Variants in SYT1 observed in about 807,000 individuals in gnomAD.
The protein encoded by SYT1 is synaptotagmin-1.
SYT1 carries 8 observed loss-of-function variants against 44.8 expected under a neutral mutation model. That is an observed-to-expected ratio of 0.18 (90% confidence interval 0.10 to 0.32). The LOEUF is 0.32. Among genes scored for constraint, SYT1 ranks in the 10% least tolerant of loss-of-function variants. The pLI is 1.00. For missense variants in SYT1, 286 were observed against 509.3 expected, an observed-to-expected ratio of 0.56 and a Z score of 4.22; for synonymous variants, 154 against 188.8, an observed-to-expected ratio of 0.82 and a Z score of 1.51.
At chr12:79,071,245 T>C (rs1279661280) in intron 3 of SYT1, among the ~76,000 whole-genome samples, 1 of 152,164 alleles carries the variant, frequency 6.6e-6, no homozygotes, top group Non-Finnish European at 1.5e-5. Context: ...TTGTAAATTT[T>C]ATTTAAAAAT....
chr12:79,361,697 G>C (rs1289598613), intron 9 of SYT1, among the ~76,000 whole-genome samples: 1 of 152,174 alleles, frequency 6.6e-6, no homozygotes, highest in Admixed American at 6.5e-5. Flanking sequence ...GTACAGATTG[G>C]TATGTTATTT....
intron 9 of SYT1, among the ~76,000 whole-genome samples, chr12:79,387,622 T>G (rs1308774713): frequency 6.6e-6 from 1 of 152,236 alleles, no homozygotes; most frequent in Non-Finnish European, 1.5e-5. Flanking sequence ...TATTTAAATG[T>G]CAACTGTGCA....
chr12:79,053,749 A>G (rs1194035845), intron 3 of SYT1, among the ~76,000 whole-genome samples: 2 of 151,634 alleles, frequency 1.3e-5, no homozygotes, highest in Admixed American at 6.6e-5. Flanking sequence ...TATTGTAAAA[A>G]TAAGTTGTTT....
At chr12:79,176,627 AT>A (rs1565839517) in intron 3 of SYT1, among the ~76,000 whole-genome samples, 1 of 152,094 alleles carries the variant, frequency 6.6e-6, no homozygotes, top group South Asian at 2.1e-4. Flanking sequence ...TGAGTTCTAT[AT>A]TTTTTTAACT....
At chr12:78,966,321 T>C (rs751995577) in intron 1 of SYT1, among the ~76,000 whole-genome samples, 8 of 152,114 alleles carry the variant, frequency 5.3e-5, no homozygotes, top group Non-Finnish European at 1.0e-4. Flanking sequence ...TTGTCATATA[T>C]CATCCCATCT....
chr12:79,266,379 T>A (rs570946039), intron 4 of SYT1, among the ~76,000 whole-genome samples: 36 of 151,284 alleles, frequency 2.4e-4, no homozygotes, highest in African/African-American at 8.7e-4. Context: ...TTGGAAGAAA[T>A]CTTTTGGGAG....
intron 5 of SYT1, among the ~76,000 whole-genome samples, chr12:79,290,849 T>C (rs998981662): frequency 6.6e-6 from 1 of 152,190 alleles, no homozygotes; most frequent in African/African-American, 2.4e-5. Flanking sequence ...AAAGGATATG[T>C]ACAGGCAGTC....
intron 1 of SYT1, among the ~76,000 whole-genome samples, chr12:78,882,267 G>A (rs1874500432): frequency 6.6e-6 from 1 of 151,706 alleles, no homozygotes; most frequent in Non-Finnish European, 1.5e-5. Flanking sequence ...GAAGTTTTCT[G>A]TATTGGGGAG....
chr12:79,271,201 G>A (rs1352733343), intron 4 of SYT1, among the ~76,000 whole-genome samples: 1 of 152,148 alleles, frequency 6.6e-6, no homozygotes, highest in Non-Finnish European at 1.5e-5. Context: ...CAATTAAAGA[G>A]AAAGATATTT....
At chr12:78,924,514 A>G (rs1425175231) in intron 1 of SYT1, among the ~76,000 whole-genome samples, 2 of 151,162 alleles carry the variant, frequency 1.3e-5, no homozygotes, top group African/African-American at 4.8e-5. Context: ...TCCACCTGAA[A>G]AACAGCTTTT....
intron 3 of SYT1, among the ~76,000 whole-genome samples, chr12:79,157,851 C>G (rs1282407328): frequency 2.0e-5 from 3 of 152,124 alleles, no homozygotes; most frequent in Non-Finnish European, 4.4e-5. Flanking sequence ...CCCCATTTTA[C>G]TAATAGAGAA....
At chr12:79,249,481 A>G (rs1017313274) in intron 4 of SYT1, among the ~76,000 whole-genome samples, 9 of 152,134 alleles carry the variant, frequency 5.9e-5, no homozygotes, top group Admixed American at 5.2e-4. Flanking sequence ...TCCAGAGGAG[A>G]CAGACTCTAA....
chr12:79,348,973 GAA>G (rs1882732302), intron 8 of SYT1, among the ~76,000 whole-genome samples: 2 of 135,546 alleles, frequency 1.5e-5, no homozygotes, highest in African/African-American at 5.7e-5. Context: ...GAAAGAAAAA[GAA>G]AGAGGAAGAA....
At chr12:78,924,238 C>A (rs980840402) in intron 1 of SYT1, among the ~76,000 whole-genome samples, 1 of 151,788 alleles carries the variant, frequency 6.6e-6, no homozygotes, top group East Asian at 1.9e-4. Flanking sequence ...ACTTTATTAT[C>A]GGGTTAAGGT....
intron 2 of SYT1, among the ~76,000 whole-genome samples, chr12:78,989,217 G>A (rs1869856140): frequency 6.6e-6 from 1 of 151,998 alleles, no homozygotes; most frequent in Non-Finnish European, 1.5e-5. Context: ...AAGCCAGTTA[G>A]GCAGTTAAAA....
Position 79,365,834 on chromosome 12 carries a change from G to GA in SYT1, c.928+12231dup, listed in dbSNP as rs57702061. 4.2e-3 allele frequency among the ~76,000 whole-genome samples: 439 copies of GA among 104,078 alleles called. 3 individuals are homozygous for GA. Among genetic ancestry groups the GA allele is most frequent in the Non-Finnish European group, 6.0e-3 (300 of 50,152 alleles). 68.3% of individuals were successfully genotyped at this position (104,078 alleles called of 152,430 possible). A position where few individuals can be genotyped will look rare whatever the true frequency, so the allele number is the denominator to read the frequency against. ...CCTAGACTGATTGCAAAGAGTACCA[G>GA]AAAAAAAAAAAAAAAAGCAGGTCAT... On this transcript the variant is annotated intron_variant, in intron 9 of 10. Coordinates refer to ENST00000261205, the MANE Select transcript of SYT1 (RefSeq NM_005639.3).
intron 8 of SYT1, among the ~76,000 whole-genome samples, chr12:79,311,000 G>A (rs199712057): frequency 3.3e-5 from 5 of 151,994 alleles, no homozygotes; most frequent in East Asian, 1.9e-4. Flanking sequence ...AATTGAATAC[G>A]CTTTATTTCC....
chr12:78,878,137 C>CT (rs1177081980), intron 1 of SYT1, among the ~76,000 whole-genome samples: 115 of 151,466 alleles, frequency 7.6e-4, no homozygotes, highest in Admixed American at 1.1e-3. Context: ...ATATTGCACT[C>CT]TTTTTTGTGT....
chr12:79,012,131 CAAAAAAAAAAA>C (rs374383589), intron 2 of SYT1, among the ~76,000 whole-genome samples: 3 of 73,508 alleles, frequency 4.1e-5, no homozygotes, highest in African/African-American at 1.3e-4. Flanking sequence ...GATTCTGTCT[CAAAAAAAAAAA>C]AAAAAAAGGG....
Sources: gnomAD v4.1 joint callset for allele counts (sites outside exome capture counted in the v4.1 genomes callset) on GRCh38, gnomAD v4.1.1 for gene constraint, MANE v1.5 for transcripts, NCBI Gene and HGNC (gene_info 2026-07-23, HGNC 2026-07-21) for gene names.